PIK3R3: variants seen among roughly 807,000 people sequenced by gnomAD.
The protein encoded by PIK3R3 is phosphatidylinositol 3-kinase regulatory subunit gamma.
A neutral mutation model predicts 62.9 loss-of-function variants in PIK3R3; 64 were observed. The observed-to-expected ratio is 1.02, with a 90% CI of 0.83 to 1.25. The LOEUF is 1.25. Ranked by LOEUF, PIK3R3 falls within the 50% of genes most tolerant of loss-of-function variation. The pLI, the probability that PIK3R3 is intolerant of heterozygous loss-of-function variation, is 0.00. For missense variants in PIK3R3, 614 were observed against 561.6 expected (o/e 1.09, Z -0.94); for synonymous variants, 165 against 189.0 (o/e 0.87, Z 1.04).
At chr1:46,062,778 T>TGGTTTTGGCTTTGGTTTC (rs1450666289) in intron 5 of PIK3R3, among the ~76,000 whole-genome samples, 1 of 152,156 alleles carries the variant, frequency 6.6e-6, no homozygotes, top group African/African-American at 2.4e-5. Flanking sequence ...TGTTTGGTTT[T>TGGTTTTGGCTTTGGTTTC]GGTTTTGGCT....
At chr1:46,053,908 T>A (rs1463702079) in intron 7 of PIK3R3, among the ~76,000 whole-genome samples, 1 of 152,128 alleles carries the variant, frequency 6.6e-6, no homozygotes, top group African/African-American at 2.4e-5. Flanking sequence ...CAGAACCACG[T>A]GAGCATTCCA....
chr1:46,082,463 G>A (rs1161229096), intron 1 of PIK3R3, among the ~76,000 whole-genome samples: 4 of 152,180 alleles, frequency 2.6e-5, no homozygotes, highest in African/African-American at 7.2e-5. Context: ...ACAACACTGC[G>A]ACAATGGGCA....
At chr1:46,069,512 C>T (rs1649301990) in intron 3 of PIK3R3, among the ~76,000 whole-genome samples, 2 of 149,666 alleles carry the variant, frequency 1.3e-5, no homozygotes, top group Non-Finnish European at 1.5e-5. Flanking sequence ...GAGTAAGATG[C>T]CATCTCAAAA....
At chr1:46,109,200 T>C (rs939265486) in intron 1 of PIK3R3, among the ~76,000 whole-genome samples, 16 of 151,986 alleles carry the variant, frequency 1.1e-4, no homozygotes, top group African/African-American at 3.6e-4. Flanking sequence ...TTCTCTGCTC[T>C]ACTTCTCTAA....
chr1:46,046,890 AG>A, intron 7 of PIK3R3: 3 of 524,798 alleles, frequency 5.7e-6, no homozygotes, highest in South Asian at 5.3e-5. Flanking sequence ...TCTTTTCTGG[AG>A]GATGTGCCAC....
chr1:46,089,976 G>A (rs938370615), intron 1 of PIK3R3, among the ~76,000 whole-genome samples: 2 of 152,084 alleles, frequency 1.3e-5, no homozygotes, highest in Admixed American at 1.3e-4. Context: ...AAATAGGGAG[G>A]TAAAACACCA....
chr1:46,062,797 G>A (rs769927331), intron 5 of PIK3R3, among the ~76,000 whole-genome samples: 15 of 152,042 alleles, frequency 9.9e-5, no homozygotes, highest in South Asian at 4.2e-4. Context: ...CTTTGGTTTC[G>A]GTTTCGGTTT....
At chr1:46,125,826 T>A (rs1655042405) in intron 1 of PIK3R3, among the ~76,000 whole-genome samples, 1 of 150,330 alleles carries the variant, frequency 6.7e-6, no homozygotes, top group Non-Finnish European at 1.5e-5. Flanking sequence ...AGTGGCACCA[T>A]CTTGGCTCAC....
At chr1:46,149,421 CAAAAAAAAAAA>C in the PIK3R3 span, among the ~76,000 whole-genome samples, 1 of 52,004 alleles carries the variant, frequency 1.9e-5, no homozygotes, top group Non-Finnish European at 3.9e-5. Flanking sequence ...GACTCTGTCT[CAAAAAAAAAAA>C]AAAAAAAAAA....
intron 1 of PIK3R3, among the ~76,000 whole-genome samples, chr1:46,125,606 T>C (rs1019061862): frequency 2.0e-5 from 3 of 152,142 alleles, no homozygotes; most frequent in African/African-American, 4.8e-5. Flanking sequence ...TTGTGCCAGG[T>C]TGAAAATACC....
intron 5 of PIK3R3, among the ~76,000 whole-genome samples, 190 bp from the exon 6 acceptor site, chr1:46,062,261 G>A (rs1431576901): frequency 1.3e-5 from 2 of 152,110 alleles, no homozygotes; most frequent in South Asian, 4.1e-4. Context: ...TCTATTACTT[G>A]TATGTAAAAT....
chr1:46,174,685 C>T, the PIK3R3 span, among the ~76,000 whole-genome samples: 1 of 152,286 alleles, frequency 6.6e-6, no homozygotes, highest in South Asian at 2.1e-4. Context: ...AACCCGGTTA[C>T]AGCCAGTGAC....
At chr1:46,117,141 A>C (rs899579000) in intron 1 of PIK3R3, among the ~76,000 whole-genome samples, 2 of 152,176 alleles carry the variant, frequency 1.3e-5, no homozygotes, top group South Asian at 2.1e-4. Context: ...GTTACTTCTG[A>C]AAGTAAATTG....
chr1:46,069,689 C>T (rs974719127), intron 3 of PIK3R3, among the ~76,000 whole-genome samples: 14 of 152,080 alleles, frequency 9.2e-5, no homozygotes, highest in Non-Finnish European at 4.4e-5. Context: ...AGTTACCAGC[C>T]GATGTATGTT....
chr1:46,102,825 A>C (rs1414327705), intron 1 of PIK3R3, among the ~76,000 whole-genome samples: 3 of 150,792 alleles, frequency 2.0e-5, no homozygotes, highest in African/African-American at 7.3e-5. Context: ...AAAAAAAAAA[A>C]AAAAAACCTG....
intron 2 of PIK3R3, among the ~76,000 whole-genome samples, chr1:46,078,692 A>C (rs2149411619): frequency 6.6e-6 from 1 of 152,336 alleles, no homozygotes; most frequent in East Asian, 1.9e-4. Flanking sequence ...GTGCACCAAT[A>C]TTAATTGCAG....
At chr1:46,069,465 G>GCCGAGAT (rs554016596) in intron 3 of PIK3R3, among the ~76,000 whole-genome samples, 214 of 151,462 alleles carry the variant, frequency 1.4e-3, no homozygotes, top group African/African-American at 4.6e-3. Context: ...GTTGCAGTGA[G>GCCGAGAT]CCGAGATCAC....
intron 1 of PIK3R3, among the ~76,000 whole-genome samples, chr1:46,089,714 C>CAAAAAAA (rs554079868): frequency 1.6e-5 from 1 of 63,228 alleles, no homozygotes. Flanking sequence ...GACTCCATCT[C>CAAAAAAA]AAAAAAAAAA....
chr1:46,105,989 T>C (rs1258709966), intron 1 of PIK3R3, among the ~76,000 whole-genome samples: 1 of 152,218 alleles, frequency 6.6e-6, no homozygotes, highest in Non-Finnish European at 1.5e-5. Flanking sequence ...GACTGCTTCT[T>C]GTGGAAATTA....
Sources: gnomAD v4.1 joint callset for allele counts (sites outside exome capture counted in the v4.1 genomes callset) on GRCh38, gnomAD v4.1.1 for gene constraint, MANE v1.5 for transcripts, NCBI Gene and HGNC (gene_info 2026-07-23, HGNC 2026-07-21) for gene names.